KLRG1: variants seen among roughly 807,000 people sequenced by gnomAD.
KLRG1 encodes the protein killer cell lectin-like receptor subfamily G member 1.
A neutral mutation model predicts 21.8 loss-of-function variants in KLRG1; 16 were observed. The ratio of observed to expected loss-of-function variants is 0.73; its 90% CI spans 0.50 to 1.11. The LOEUF (loss-of-function observed/expected upper bound fraction) is 1.11, where lower values mean the gene tolerates loss of function less well. KLRG1 is among the 50% of genes most tolerant of loss of function. The pLI is 0.00. For missense variants in KLRG1, 173 were observed against 218.3 expected, an observed-to-expected ratio of 0.79 and a Z score of 1.31; for synonymous variants, 69 against 75.9, an observed-to-expected ratio of 0.91 and a Z score of 0.47.
chr12:9,054,119 G>T, the KLRG1 span, among the ~76,000 whole-genome samples: 2 of 152,164 alleles, frequency 1.3e-5, no homozygotes, highest in Non-Finnish European at 2.9e-5. Context: ...GTCTGTTATT[G>T]TGCACTGGTC....
chr12:9,014,093 A>G (rs1947667625), downstream of KLRG1, among the ~76,000 whole-genome samples: 1 of 152,078 alleles, frequency 6.6e-6, no homozygotes, highest in South Asian at 2.1e-4. Context: ...ATAGAAAAGA[A>G]TGAAGCATGC....
At chr12:8,981,670 G>A (rs1015465377) in intron 1 of KLRG1, among the ~76,000 whole-genome samples, 12 of 151,798 alleles carry the variant, frequency 7.9e-5, no homozygotes, top group Admixed American at 1.3e-4. Context: ...ATATCTTTGC[G>A]AACATTTTAT....
chr12:8,958,806 G>A lies in KLRG1; in HGVS notation c.-156+8570G>A, dbSNP rs61330267. ...CAGGAGGTCAAGGCTTCAGAGAGCC[G>A]TGGTTGCACCACTGCACTCCAGCCT... On this transcript the variant is annotated intron_variant, in intron 1 of 4. Transcript: ENST00000539240. Among the ~76,000 whole-genome samples the A allele has an allele frequency of 5.0e-3, 750 of 151,422 alleles. 6 individuals are homozygous for A. Among genetic ancestry groups the A allele is most frequent in the African/African-American group, 0.017 (708 of 41,244 alleles).
chr12:9,067,881 C>T, the KLRG1 span: 6 of 1,589,422 alleles, frequency 3.8e-6, no homozygotes, highest in Admixed American at 1.7e-5. Flanking sequence ...AGATTTGGGT[C>T]TCCATGAGCA....
chr12:9,159,920 A>C, the KLRG1 span: 1 of 1,587,370 alleles, frequency 6.3e-7, no homozygotes, highest in South Asian at 1.1e-5. Context: ...GAAACTCAGA[A>C]TAGATTTTCT....
intron 1 of KLRG1, among the ~76,000 whole-genome samples, chr12:8,981,117 A>G (rs1565542017): frequency 6.6e-6 from 1 of 152,068 alleles, no homozygotes; most frequent in East Asian, 1.9e-4. Context: ...GTTTTTGTGG[A>G]TATATAAGGA....
the KLRG1 span, among the ~76,000 whole-genome samples, chr12:9,030,936 T>G: frequency 6.6e-6 from 1 of 152,196 alleles, no homozygotes; most frequent in African/African-American, 2.4e-5. Context: ...CTGTTTTCAA[T>G]GTAACAGGGA....
the KLRG1 span, among the ~76,000 whole-genome samples, chr12:9,109,053 C>T: frequency 7.0e-6 from 1 of 142,780 alleles, no homozygotes; most frequent in Non-Finnish European, 1.5e-5. Flanking sequence ...TGTGTGTGTG[C>T]AGTTTTGTCA....
At chr12:9,161,471 G>C in the KLRG1 span, among the ~76,000 whole-genome samples, 1 of 152,266 alleles carries the variant, frequency 6.6e-6, no homozygotes, top group East Asian at 1.9e-4. Context: ...TTTTGGCACT[G>C]TGTGACTTCC....
At chr12:9,016,453 CG>C in the KLRG1 span, among the ~76,000 whole-genome samples, 2 of 152,092 alleles carry the variant, frequency 1.3e-5, no homozygotes, top group South Asian at 4.1e-4. Flanking sequence ...AAGATTGAAC[CG>C]TGAAGAAATT....
chr12:8,973,935 CT>C (rs752727410), intron 1 of KLRG1, among the ~76,000 whole-genome samples: 2 of 152,064 alleles, frequency 1.3e-5, no homozygotes, highest in South Asian at 4.1e-4. Flanking sequence ...AGTTCTAATA[CT>C]TTTTTTGTTG....
the KLRG1 span, among the ~76,000 whole-genome samples, chr12:9,050,068 C>A: frequency 1.3e-5 from 2 of 152,142 alleles, no homozygotes; most frequent in African/African-American, 2.4e-5. Context: ...GAAAAAAAAT[C>A]TTCGTAGGAA....
the KLRG1 span, chr12:9,072,556 T>C: frequency 3.8e-6 from 6 of 1,599,406 alleles, no homozygotes; most frequent in Non-Finnish European, 5.1e-6. Context: ...CCCTAACCCT[T>C]TCTCTGATCT....
chr12:9,163,801 A>G, the KLRG1 span: 1 of 1,609,352 alleles, frequency 6.2e-7, no homozygotes, highest in Admixed American at 1.7e-5. Flanking sequence ...TAAAACAAGG[A>G]ATATTGAAAA....
the KLRG1 span, chr12:9,167,501 C>G: frequency 6.6e-6 from 1 of 152,188 alleles, no homozygotes; most frequent in African/African-American, 2.4e-5. Context: ...AATCACTCAC[C>G]GCTTCCCTTG....
At chr12:9,061,750 C>T in the KLRG1 span, among the ~76,000 whole-genome samples, 1 of 152,140 alleles carries the variant, frequency 6.6e-6, no homozygotes, top group Non-Finnish European at 1.5e-5. Flanking sequence ...GAGCTTTTAA[C>T]CCCACAGGTC....
At chr12:9,038,365 A>C in the KLRG1 span, among the ~76,000 whole-genome samples, 2 of 152,320 alleles carry the variant, frequency 1.3e-5, no homozygotes, top group South Asian at 2.1e-4. Context: ...GCTGCTGTCT[A>C]TAGGTAGAAA....
At chr12:9,196,588 A>C in the KLRG1 span, 1 of 1,609,956 alleles carries the variant, frequency 6.2e-7, no homozygotes, top group Non-Finnish European at 8.5e-7. Flanking sequence ...CTCTTCTCTG[A>C]TCCTGGCTTC....
At chr12:9,196,701 A>G in the KLRG1 span, 3 of 1,547,232 alleles carry the variant, frequency 1.9e-6, no homozygotes, top group South Asian at 3.4e-5. Flanking sequence ...AAAAATACCA[A>G]AACCAATAAA....
Sources: allele counts gnomAD v4.1 joint callset (sites outside exome capture counted in the v4.1 genomes callset), GRCh38; gene constraint gnomAD v4.1.1; transcripts MANE v1.5; gene names NCBI Gene and HGNC (gene_info 2026-07-23, HGNC 2026-07-21).